TMEM38B: variants seen among roughly 807,000 people sequenced by gnomAD.
TMEM38B encodes transmembrane protein 38B.
In TMEM38B, 24 loss-of-function variants were observed where a neutral mutation model predicts 28.7. That is an observed-to-expected ratio of 0.84 (90% confidence interval 0.61 to 1.18). TMEM38B has a LOEUF of 1.18. TMEM38B is among the 50% of genes most tolerant of loss of function. TMEM38B has a pLI of 0.00. For missense variants in TMEM38B, 380 were observed against 350.9 expected (o/e 1.08, Z -0.66); for synonymous variants, 131 against 127.7 (o/e 1.03, Z -0.17).
intron 2 of TMEM38B, among the ~76,000 whole-genome samples, chr9:105,716,682 T>C (rs1046337756): frequency 2.3e-4 from 26 of 111,852 alleles, no homozygotes; most frequent in African/African-American, 1.2e-3. Context: ...ACCCCTGAGA[T>C]AGCAAGACCA....
intron 4 of TMEM38B, among the ~76,000 whole-genome samples, chr9:105,731,027 A>G (rs1004605708): frequency 1.3e-5 from 2 of 152,028 alleles, no homozygotes; most frequent in South Asian, 2.1e-4. Context: ...TCCTGGATTC[A>G]TTGATTTTTT....
chr9:105,758,612 T>C (rs1409291241), intron 5 of TMEM38B: 1 of 887,666 alleles, frequency 1.1e-6, no homozygotes, highest in Non-Finnish European at 1.9e-6. Flanking sequence ...GATCAGAAAA[T>C]GTTGATGGTA....
At chr9:105,763,803 C>T (rs1315624092) in intron 5 of TMEM38B, among the ~76,000 whole-genome samples, 1 of 151,764 alleles carries the variant, frequency 6.6e-6, no homozygotes, top group Admixed American at 6.6e-5. Flanking sequence ...GACCAATATC[C>T]TTGATGAACA....
rs1252693376 is a variant in TMEM38B at position 105,775,012 on chromosome 9, G to A, written c.*932G>A. 6.6e-6 allele frequency: 1 copy of A among 151,898 alleles called. No homozygotes were observed. Among genetic ancestry groups the A allele is most frequent in the Non-Finnish European group, 1.5e-5 (1 of 67,926 alleles). The allele number at this position is 151,898 out of a possible 1,614,324, so 9.4% of individuals were successfully genotyped here. ...TAATTATTCAACAAAAAGCATATCC[G>A]TTCAAAAATTTTTCCACTATGTCTT... On this transcript the variant is annotated 3_prime_UTR_variant, in exon 6 of 6. Transcript: ENST00000374692.
chr9:105,698,850 A>G (rs1458890410), intron 1 of TMEM38B, among the ~76,000 whole-genome samples: 2 of 152,106 alleles, frequency 1.3e-5, no homozygotes, highest in African/African-American at 2.4e-5. Flanking sequence ...GTTTCTTGGT[A>G]TATTTTAATG....
intron 4 of TMEM38B, among the ~76,000 whole-genome samples, chr9:105,736,653 T>C (rs1274743842): frequency 2.6e-5 from 4 of 152,234 alleles, no homozygotes; most frequent in Non-Finnish European, 4.4e-5. Flanking sequence ...TCTTTTGTGG[T>C]GTCACATTTC....
intron 1 of TMEM38B, chr9:105,701,002 G>C (rs1165106299): frequency 6.6e-6 from 1 of 151,926 alleles, no homozygotes; most frequent in Non-Finnish European, 1.5e-5. Flanking sequence ...TCCTCCACAG[G>C]GGTCTCAGTC....
intron 2 of TMEM38B, among the ~76,000 whole-genome samples, chr9:105,715,408 A>G (rs1366538433): frequency 1.3e-5 from 2 of 151,976 alleles, no homozygotes; most frequent in Non-Finnish European, 2.9e-5. Flanking sequence ...TTGTTGTGCG[A>G]CAGTATTCTC....
At chr9:105,757,225 GC>G (rs1406693917) in intron 5 of TMEM38B, among the ~76,000 whole-genome samples, 1 of 152,100 alleles carries the variant, frequency 6.6e-6, no homozygotes, top group African/African-American at 2.4e-5. Flanking sequence ...TGCTGCAAAT[GC>G]CATTATTTTA....
At chr9:105,698,053 A>T (rs953914186) in intron 1 of TMEM38B, among the ~76,000 whole-genome samples, 8 of 146,894 alleles carry the variant, frequency 5.4e-5, no homozygotes, top group Admixed American at 2.1e-4. Context: ...CTTTACTAAG[A>T]TCATCCCACG....
chr9:105,728,574 C>G (rs1836613584), intron 4 of TMEM38B, among the ~76,000 whole-genome samples: 1 of 152,126 alleles, frequency 6.6e-6, no homozygotes, highest in South Asian at 2.1e-4. Flanking sequence ...TTTACAGCAG[C>G]ATGATTTATA....
chr9:105,745,055 C>T (rs539022499), intron 4 of TMEM38B, among the ~76,000 whole-genome samples: 1 of 152,248 alleles, frequency 6.6e-6, no homozygotes, highest in Non-Finnish European at 1.5e-5. Flanking sequence ...CATATGTGTG[C>T]ATGTGTCTTT....
intron 4 of TMEM38B, among the ~76,000 whole-genome samples, chr9:105,730,592 G>A (rs7867239): frequency 0.21 from 31,826 of 152,082 alleles, 5,178 homozygotes; most frequent in East Asian, 0.47. Flanking sequence ...AATGAGTTAG[G>A]GAGGATTCCC....
rs1170541849 is a variant in TMEM38B at position 105,776,255 on chromosome 9, C to G, written c.*2175C>G. ...GAGCCAGCTTCCCTCAGTGCTGTCACTCTCAAGTAAAACATGGCCAAATGA... is the reference window on the plus strand; with the variant it reads ...GAGCCAGCTTCCCTCAGTGCTGTCAGTCTCAAGTAAAACATGGCCAAATGA... On this transcript the variant is annotated 3_prime_UTR_variant, in exon 6 of 6. Coordinates refer to ENST00000374692, the MANE Select transcript of TMEM38B (RefSeq NM_018112.3). The G allele has an allele frequency of 6.6e-6, 1 of 151,956 alleles. No homozygotes were observed. Among genetic ancestry groups the G allele is most frequent in the Non-Finnish European group, 1.5e-5 (1 of 67,994 alleles). 9.4% of individuals were successfully genotyped at this position (151,956 alleles called of 1,614,324 possible).
At chr9:105,710,984 C>A (rs1835881746) in intron 2 of TMEM38B, among the ~76,000 whole-genome samples, 1 of 152,170 alleles carries the variant, frequency 6.6e-6, no homozygotes, top group South Asian at 2.1e-4. Flanking sequence ...GCAAGATCAC[C>A]AGGCAGCTGG....
chr9:105,756,785 T>C lies in TMEM38B; in HGVS notation c.660+8595T>C, dbSNP rs192215096. ...ATAATATTTCTCAACATTTTCCTAA[T>C]TATAAAGTATATCCACCAGTTTCTA... is the stretch of plus-strand genomic sequence containing the variant. On this transcript the variant is annotated intron_variant, in intron 5 of 5. Coordinates refer to ENST00000374692, the MANE Select transcript of TMEM38B (RefSeq NM_018112.3). Among the ~76,000 whole-genome samples, 106 of 152,308 alleles carry C rather than the reference T, an allele frequency of 7.0e-4. 1 individual carries two copies. Among genetic ancestry groups the C allele is most frequent in the Admixed American group, 6.9e-3 (106 of 15,306 alleles).
intron 2 of TMEM38B, among the ~76,000 whole-genome samples, chr9:105,712,969 C>T (rs1270597393): frequency 6.6e-6 from 1 of 152,234 alleles, no homozygotes; most frequent in African/African-American, 2.4e-5. Context: ...GATGCCAGCC[C>T]AGGCCCAGTG....
At chr9:105,773,246 G>C (rs895156433) in intron 5 of TMEM38B, among the ~76,000 whole-genome samples, 1 of 152,094 alleles carries the variant, frequency 6.6e-6, no homozygotes, top group Non-Finnish European at 1.5e-5. Flanking sequence ...TTGAGGTCTT[G>C]GTTCCTTTAT....
At chr9:105,731,841 T>G (rs987892503) in intron 4 of TMEM38B, among the ~76,000 whole-genome samples, 1 of 152,110 alleles carries the variant, frequency 6.6e-6, no homozygotes, top group African/African-American at 2.4e-5. Context: ...ATCGCTGGGT[T>G]AAATGGTATT....
Sources: allele counts gnomAD v4.1 joint callset (sites outside exome capture counted in the v4.1 genomes callset), GRCh38; gene constraint gnomAD v4.1.1; transcripts MANE v1.5; gene names NCBI Gene and HGNC (gene_info 2026-07-23, HGNC 2026-07-21).